The following ANKMY1 variants were observed in gnomAD, a reference collection of about 807,000 sequenced individuals.
The protein encoded by ANKMY1 is ankyrin repeat and MYND domain-containing protein 1.
In ANKMY1, 98 loss-of-function variants were observed where a neutral mutation model predicts 102.0. The observed-to-expected ratio is 0.96, with a 90% confidence interval of 0.82 to 1.14. The LOEUF (loss-of-function observed/expected upper bound fraction) is 1.14, where lower values mean the gene tolerates loss of function less well. Among genes scored for constraint, ANKMY1 ranks in the 50% most tolerant of loss-of-function variants. The pLI, the probability that ANKMY1 is intolerant of heterozygous loss-of-function variation, is 0.00. For synonymous variants in ANKMY1, 582 were observed against 559.9 expected (o/e 1.04, Z -0.56); for missense variants, 1,330 against 1,347.6 (o/e 0.99, Z 0.20).
At position 240,517,285 on chromosome 2, in the gene ANKMY1, A is replaced by G. The variant is rs533579243; in HGVS notation, c.2004+3077T>C. Among the ~76,000 whole-genome samples the G allele has an allele frequency of 2.0e-4, 30 of 152,190 alleles. 1 individual carries two copies. Among genetic ancestry groups the G allele is most frequent in the Non-Finnish European group, 1.6e-4 (11 of 68,036 alleles). On this transcript the variant is annotated intron_variant, in intron 9 of 17. Transcript: ENST00000401804. ...GAATAACTGGCCTCATACCTTGTCT[A>G]TGCAATTCCTTTGCACACTTCCGGG...
At chr2:240,557,514 T>C in intron 1 of ANKMY1, 162 bp from the exon 2 acceptor site, 1 of 692,632 alleles carries the variant, frequency 1.4e-6, no homozygotes, top group Non-Finnish European at 2.1e-6. Flanking sequence ...CGGACCACCA[T>C]CCCTGGGAGT....
intron 4 of ANKMY1, among the ~76,000 whole-genome samples, chr2:240,547,187 T>A (rs1014077734): frequency 1.3e-5 from 2 of 152,122 alleles, no homozygotes; most frequent in Non-Finnish European, 2.9e-5. Context: ...GCAATCAAAC[T>A]AGAACTCAGT....
chr2:240,525,915 G>C, intron 6 of ANKMY1, 66 bp from the exon 7 acceptor site: 1 of 1,570,500 alleles, frequency 6.4e-7, no homozygotes, highest in South Asian at 1.2e-5. Context: ...AGGGTCACTG[G>C]GTGTCCTGAT....
At chr2:240,550,969 T>C (rs2091415216) in intron 4 of ANKMY1, among the ~76,000 whole-genome samples, 1 of 152,192 alleles carries the variant, frequency 6.6e-6, no homozygotes, top group African/African-American at 2.4e-5. Flanking sequence ...GGGGAGTTCC[T>C]GAAAAGGACT....
intron 3 of ANKMY1, chr2:240,553,833 T>G (rs2091934530): frequency 2.0e-5 from 3 of 151,980 alleles, no homozygotes; most frequent in Admixed American, 2.0e-4. Flanking sequence ...AGGCAGAGGT[T>G]GCAGTGAGCC....
downstream of ANKMY1, among the ~76,000 whole-genome samples, chr2:240,477,203 C>A (rs1023455103): frequency 4.6e-5 from 7 of 152,102 alleles, no homozygotes; most frequent in Admixed American, 3.3e-4. Context: ...ATGATCCCAG[C>A]TACTTAGGAG....
chr2:240,518,076 G>C (rs1370643365), intron 9 of ANKMY1, among the ~76,000 whole-genome samples: 1 of 152,178 alleles, frequency 6.6e-6, no homozygotes, highest in Non-Finnish European at 1.5e-5. Flanking sequence ...GATTCCTCAT[G>C]ATTGAGGAAT....
intron 15 of ANKMY1, among the ~76,000 whole-genome samples, chr2:240,498,637 C>A (rs2077615693): frequency 6.6e-6 from 1 of 151,994 alleles, no homozygotes. Flanking sequence ...TGTGGGGACA[C>A]AAGCATGCCA....
intron 8 of ANKMY1, 114 bp downstream of exon 8, chr2:240,523,771 C>T: frequency 1.4e-6 from 2 of 1,446,726 alleles, no homozygotes; most frequent in African/African-American, 1.4e-5. Flanking sequence ...TTCAGACACA[C>T]ATCTCCAGAC....
At chr2:240,559,023 G>C (rs1237639232), upstream of ANKMY1, among the ~76,000 whole-genome samples, 2 of 152,190 alleles carry the variant, frequency 1.3e-5, no homozygotes, top group South Asian at 2.1e-4. Context: ...ATTACAACTT[G>C]CTAAGGAGTC....
chr2:240,544,597 C>G (rs576333816), intron 4 of ANKMY1, among the ~76,000 whole-genome samples: 57 of 152,270 alleles, frequency 3.7e-4, no homozygotes, highest in African/African-American at 1.4e-3. Context: ...CCTGAGGTAC[C>G]GGGTTCATCT....
Position 240,520,261 on chromosome 2 carries a change from C to T in ANKMY1, c.2004+101G>A, listed in dbSNP as rs980611051. 2 of 1,477,806 alleles carry T rather than the reference C, an allele frequency of 1.4e-6. No individual in the cohort carries two copies. The highest frequency in any genetic ancestry group is 4.2e-5 in the Admixed American group (2 of 47,286). 91.5% of individuals were successfully genotyped at this position (1,477,806 alleles called of 1,614,324 possible). On this transcript the variant is annotated intron_variant, in intron 9 of 17. Coordinates refer to ENST00000401804, the MANE Select transcript of ANKMY1 (RefSeq NM_001282771.3). This position sits in a 1 kb window ranked among gnomAD's most constrained non-coding sequence, Gnocchi z 4.8. ...CAGCCCAGGTGGTCGCCTGCAAGAG[C>T]CCACCCCTCTCTTCCGCGCCTAGGT... is the stretch of plus-strand genomic sequence containing the variant.
intron 5 of ANKMY1, chr2:240,526,881 T>C (rs1422058678): frequency 2.6e-6 from 3 of 1,145,742 alleles, no homozygotes; most frequent in Non-Finnish European, 3.3e-6. Context: ...ACATGCATTA[T>C]CTCATGGCTT....
upstream of ANKMY1, chr2:240,560,621 G>A: frequency 7.2e-7 from 1 of 1,398,328 alleles, no homozygotes; most frequent in Non-Finnish European, 9.2e-7. Context: ...TAGACTCCTG[G>A]GCGGGCGCCT....
intron 17 of ANKMY1, among the ~76,000 whole-genome samples, chr2:240,480,580 G>A (rs1410278940): frequency 6.6e-6 from 1 of 152,184 alleles, no homozygotes; most frequent in Non-Finnish European, 1.5e-5. Flanking sequence ...GACCAGCAGA[G>A]CCCCCAGGTG....
chr2:240,500,709 C>T lies in ANKMY1; in HGVS notation c.2527-144G>A, dbSNP rs565095284. The T allele has an allele frequency of 1.1e-4, 72 of 647,600 alleles. 3 individuals are homozygous for T. Among genetic ancestry groups the T allele is most frequent in the South Asian group, 1.1e-3 (56 of 52,426 alleles). 40.1% of individuals were successfully genotyped at this position (647,600 alleles called of 1,614,324 possible). ...TGTGCGGGAATGCCCATGAGACAAA[C>T]GGGGAGAGGGAGATGGAGACGGGGC... On this transcript the variant is annotated intron_variant, in intron 13 of 17. Coordinates refer to ENST00000401804, the MANE Select transcript of ANKMY1 (RefSeq NM_001282771.3).
upstream of ANKMY1, chr2:240,560,001 A>T (rs2092807244): frequency 6.6e-6 from 1 of 152,438 alleles, no homozygotes; most frequent in African/African-American, 2.4e-5. Flanking sequence ...AAATTTTTTA[A>T]AGTTACAATG....
In ANKMY1 at chr2:240,480,952, C is replaced by A. The variant is rs1310511890; in HGVS notation, c.3031G>T (p.Asp1011Tyr). The A allele has an allele frequency of 3.7e-6, 6 of 1,609,984 alleles. No homozygotes were observed. Among genetic ancestry groups the A allele is most frequent in the Non-Finnish European group, 5.1e-6 (6 of 1,176,688 alleles). The change falls in exon 17 of 18, where the codon GAC becomes TAC. Residue 1011 changes from aspartate (D) to tyrosine (Y), a missense_variant. Coordinates refer to ENST00000401804, the MANE Select transcript of ANKMY1 (RefSeq NM_001282771.3). ...WTEFHKKDCGDLVAIVTQLEQ... is the reference protein window; with the variant it reads ...WTEFHKKDCGYLVAIVTQLEQ... ...GCCGACCTACCGATGGCCACCAGGT[C>A]CCCGCAGTCCTTCTTGTGGAACTCG... is the stretch of plus-strand genomic sequence containing the variant.
At chr2:240,536,095 A>G (rs749261643) in intron 4 of ANKMY1, among the ~76,000 whole-genome samples, 8 of 152,180 alleles carry the variant, frequency 5.3e-5, no homozygotes, top group Non-Finnish European at 1.2e-4. Context: ...CAATACTCCT[A>G]TAAGATAAAC....
Sources: gnomAD v4.1 joint callset for allele counts (sites outside exome capture counted in the v4.1 genomes callset) on GRCh38, gnomAD v4.1.1 for gene constraint, Gnocchi (gnomAD v3.1) non-coding constraint, MANE v1.5 for transcripts, NCBI Gene and HGNC (gene_info 2026-07-23, HGNC 2026-07-21) for gene names.